PALLD: variants seen among roughly 807,000 people sequenced by gnomAD.
PALLD encodes palladin.
A neutral mutation model predicts 123.5 loss-of-function variants in PALLD; 61 were observed. That is an observed-to-expected ratio of 0.49 (90% confidence interval 0.40 to 0.61). The LOEUF (loss-of-function observed/expected upper bound fraction) is 0.61. PALLD is among the 20% of genes least tolerant of loss of function. The pLI, the probability that PALLD is intolerant of heterozygous loss-of-function variation, is 0.00. For synonymous variants in PALLD, 465 were observed against 496.4 expected (o/e 0.94, Z 0.84); for missense variants, 1,273 against 1,377.0 (o/e 0.92, Z 1.20).
intron 10 of PALLD, among the ~76,000 whole-genome samples, chr4:168,830,231 CAAAA>C (rs1156711141): frequency 6.8e-5 from 5 of 73,228 alleles, no homozygotes; most frequent in African/African-American, 1.5e-4. Context: ...GACTTTGTCT[CAAAA>C]AAAAAAAAAA....
At chr4:168,848,976 G>A (rs1747323037) in intron 10 of PALLD, among the ~76,000 whole-genome samples, 1 of 152,102 alleles carries the variant, frequency 6.6e-6, no homozygotes, top group Admixed American at 6.5e-5. Context: ...AGATGAGAGG[G>A]GGTTATTTTG....
chr4:168,866,563 T>C (rs1379235535), intron 10 of PALLD, among the ~76,000 whole-genome samples: 1 of 152,210 alleles, frequency 6.6e-6, no homozygotes, highest in East Asian at 1.9e-4. Context: ...TGTTCACATT[T>C]TGGATATACA....
intron 2 of PALLD, among the ~76,000 whole-genome samples, chr4:168,622,560 C>T (rs1157862283): frequency 3.3e-5 from 5 of 152,132 alleles, no homozygotes; most frequent in Non-Finnish European, 7.3e-5. Flanking sequence ...TGTGGAAACG[C>T]GTATGTTTTC....
intron 2 of PALLD, among the ~76,000 whole-genome samples, chr4:168,647,351 G>A (rs952078774): frequency 9.2e-5 from 14 of 152,128 alleles, no homozygotes; most frequent in Admixed American, 2.0e-4. Flanking sequence ...TACTACAATG[G>A]ACTGTGTTTT....
At chr4:168,748,183 C>T (rs562753063) in intron 10 of PALLD, among the ~76,000 whole-genome samples, 1 of 152,316 alleles carries the variant, frequency 6.6e-6, no homozygotes, top group Admixed American at 6.5e-5. Flanking sequence ...TTACAAAACA[C>T]ATTAGTAGAC....
intron 10 of PALLD, among the ~76,000 whole-genome samples, chr4:168,745,596 A>G (rs1393651079): frequency 6.6e-6 from 1 of 152,192 alleles, no homozygotes; most frequent in Non-Finnish European, 1.5e-5. Context: ...TATGGTTGCA[A>G]TCCCATTAGA....
intron 2 of PALLD, among the ~76,000 whole-genome samples, chr4:168,520,162 T>A (rs961938132): frequency 6.6e-6 from 1 of 151,822 alleles, no homozygotes; most frequent in African/African-American, 2.4e-5. Context: ...CAGTCTCTAC[T>A]GAAAATACAA....
chr4:168,743,460 A>G (rs1364698927), intron 10 of PALLD, among the ~76,000 whole-genome samples: 1 of 152,162 alleles, frequency 6.6e-6, no homozygotes, highest in Non-Finnish European at 1.5e-5. Flanking sequence ...AAAAGACATT[A>G]ATGATGATGT....
chr4:168,691,653 G>T (rs142556512), intron 8 of PALLD, among the ~76,000 whole-genome samples: 1 of 152,066 alleles, frequency 6.6e-6, no homozygotes, highest in Non-Finnish European at 1.5e-5. Flanking sequence ...CTGCCTATTT[G>T]TACTGATCAG....
At chr4:168,816,028 T>C (rs1201345674) in intron 10 of PALLD, among the ~76,000 whole-genome samples, 1 of 152,216 alleles carries the variant, frequency 6.6e-6, no homozygotes, top group Non-Finnish European at 1.5e-5. Flanking sequence ...GGAGTGTGGA[T>C]GATGTGTTTA....
intron 10 of PALLD, among the ~76,000 whole-genome samples, chr4:168,876,520 C>T (rs1483031087): frequency 1.3e-5 from 2 of 152,180 alleles, no homozygotes; most frequent in Non-Finnish European, 2.9e-5. Context: ...GTGTCTTTGT[C>T]TTCTCATGGA....
At chr4:168,924,546 A>C in intron 19 of PALLD, 126 bp downstream of exon 19, 3 of 1,007,104 alleles carry the variant, frequency 3.0e-6, no homozygotes, top group Non-Finnish European at 4.6e-6. Context: ...TTTTGATGAA[A>C]TCAATCAAAG....
rs35555541 is a variant in PALLD, at chr4:168,527,422, C to CAAAAAAAAAAAA, written c.908+15021_908+15032dup. Among the ~76,000 whole-genome samples, 177 of 52,904 alleles carry CAAAAAAAAAAAA rather than the reference C, an allele frequency of 3.3e-3. 21 individuals are homozygous for CAAAAAAAAAAAA. Among genetic ancestry groups the CAAAAAAAAAAAA allele is most frequent in the African/African-American group, 0.017 (151 of 8,858 alleles). 34.7% of individuals were successfully genotyped at this position (52,904 alleles called of 152,430 possible). On this transcript the variant is annotated intron_variant, in intron 2 of 21. Coordinates refer to ENST00000505667, the MANE Select transcript of PALLD (RefSeq NM_001166108.2). ...GGGCAACAGGAGTGAAACTCCATCT[C>CAAAAAAAAAAAA]AAAAAAAAAAAAAAAAAAAAAAGTC...
intron 2 of PALLD, among the ~76,000 whole-genome samples, chr4:168,656,544 T>C (rs74574391): frequency 0.019 from 2,922 of 152,270 alleles, 52 homozygotes; most frequent in Non-Finnish European, 0.031. Flanking sequence ...CAAAACGACA[T>C]TTTTTAGTTG....
At chr4:168,763,492 A>G (rs1733235154) in intron 10 of PALLD, among the ~76,000 whole-genome samples, 1 of 152,202 alleles carries the variant, frequency 6.6e-6, no homozygotes, top group Non-Finnish European at 1.5e-5. Context: ...CTGAAGACAC[A>G]TGGCACTTTT....
chr4:168,540,065 C>G (rs961122794), intron 2 of PALLD, among the ~76,000 whole-genome samples: 1 of 151,956 alleles, frequency 6.6e-6, no homozygotes, highest in African/African-American at 2.4e-5. Flanking sequence ...TAGTCCAAGA[C>G]CTTAAAGGCA....
Position 168,685,493 on chromosome 4 carries a change from T to G in PALLD, c.1269T>G (p.Ser423Arg). The change falls in exon 6 of 22, where the codon AGT becomes AGG. Residue 423 changes from serine (S) to arginine (R), a missense_variant. Physicochemically the swap from Ser to Arg is moderately radical, Grantham distance 110. Coordinates refer to ENST00000505667, the MANE Select transcript of PALLD (RefSeq NM_001166108.2). ...TGTCTCTGCTTTTGCAGGTTCACAG[T>G]CCAACTTCATATCTCTGCCGACCTG... ...PLSVPVQQVHSPTSYLCRPDG... is the reference protein window; with the variant it reads ...PLSVPVQQVHRPTSYLCRPDG... 1 of 1,609,474 alleles carries G rather than the reference T, an allele frequency of 6.2e-7. No individual in the cohort carries two copies. The highest frequency in any genetic ancestry group is 8.5e-7 in the Non-Finnish European group (1 of 1,175,788).
chr4:168,520,200 C>T (rs1240093087), intron 2 of PALLD, among the ~76,000 whole-genome samples: 1 of 151,804 alleles, frequency 6.6e-6, no homozygotes, highest in Non-Finnish European at 1.5e-5. Flanking sequence ...GTGGCGGGTG[C>T]CTGTAGTCCC....
chr4:168,600,032 T>TAC (rs1381976696), intron 2 of PALLD, among the ~76,000 whole-genome samples: 2 of 123,672 alleles, frequency 1.6e-5, no homozygotes, highest in Non-Finnish European at 3.5e-5. Context: ...TACACACACA[T>TAC]ACATACATGT....
Sources: allele counts gnomAD v4.1 joint callset (sites outside exome capture counted in the v4.1 genomes callset), GRCh38; gene constraint gnomAD v4.1.1; transcripts MANE v1.5; gene names NCBI Gene and HGNC (gene_info 2026-07-23, HGNC 2026-07-21).